Variants in ZNF208 observed in about 807,000 individuals in gnomAD.
ZNF208 encodes zinc finger protein 95.
In ZNF208, 10 loss-of-function variants were observed where a neutral mutation model predicts 12.1. The ratio of observed to expected loss-of-function variants is 0.83; its 90% CI spans 0.51 to 1.40. The LOEUF (loss-of-function observed/expected upper bound fraction) is 1.40, where lower values mean the gene tolerates loss of function less well. Ranked by LOEUF, ZNF208 falls within the 40% of genes most tolerant of loss-of-function variation. The pLI is 0.00. For missense variants in ZNF208, 1,652 were observed against 1,485.0 expected, an observed-to-expected ratio of 1.11 and a Z score of -1.85; for synonymous variants, 497 against 488.4, an observed-to-expected ratio of 1.02 and a Z score of -0.23.
At position 21,971,219 on chromosome 19, in the gene ZNF208, T is replaced by C. The variant is rs1471946145; in HGVS notation, c.3815A>G (p.Lys1272Arg). The C allele has an allele frequency of 1.2e-6, 2 of 1,612,080 alleles. No individual in the cohort carries two copies. The highest frequency in any genetic ancestry group is 1.3e-5 in the African/African-American group (1 of 74,732). The change falls in exon 4 of 4, where the codon AAG becomes AGG. Residue 1272 changes from lysine to arginine, a missense_variant. Around this residue, in one of 3 missense-constraint regions of ZNF208, gnomAD observed 1,239 missense variants for 1,086.2 expected, o/e 1.14. Transcript: ENST00000397126. ...GAGTTTCTCTCCAGTATGAATTTTCTTATGTTTACTGAAGACTGATAACCA... is the reference window on the plus strand; with the variant it reads ...GAGTTTCTCTCCAGTATGAATTTTCCTATGTTTACTGAAGACTGATAACCA... ...FSWLSVFSKH[K>R]KIHTGEKL
At chr19:21,965,676 G>A (rs1325155764), downstream of ZNF208, 1 of 150,964 alleles carries the variant, frequency 6.6e-6, no homozygotes, top group African/African-American at 2.4e-5. Context: ...ACTTTCTGTT[G>A]AATTATTTTT....
chr19:21,958,889 G>A (rs191957065), intron 4 of ZNF208, among the ~76,000 whole-genome samples: 8 of 152,174 alleles, frequency 5.3e-5, no homozygotes, highest in South Asian at 2.1e-4. Context: ...GGTCCCCAGA[G>A]AGCCCCTAAC....
chr19:21,951,841 G>T (rs1250390663), intron 4 of ZNF208, among the ~76,000 whole-genome samples: 1 of 152,232 alleles, frequency 6.6e-6, no homozygotes, highest in Non-Finnish European at 1.5e-5. Flanking sequence ...AAGCAGGACA[G>T]GGTGTCACCT....
chr19:21,973,900 A>T lies in ZNF208; in HGVS notation c.1134T>A (p.Tyr378Ter), dbSNP rs2145550892. Residue 378 changes from tyrosine (Y) to a stop codon, truncating the protein, a stop_gained, in exon 4 of 4, where the codon TAT becomes TAA. Transcript: ENST00000397126. LOFTEE classifies it low-confidence loss of function (END_TRUNC). ...GATAACTAAGGGTTGAGGGCCACTT[A>T]TAGGCTTTGCCGCATTCTTCACATT... ...PYKCEECGKA[Y>*]KWPSTLSYHK... 1 of 1,613,214 alleles carries T rather than the reference A, an allele frequency of 6.2e-7. No homozygotes were observed. The highest frequency in any genetic ancestry group is 8.5e-7 in the Non-Finnish European group (1 of 1,179,780).
intron 1 of ZNF208, among the ~76,000 whole-genome samples, chr19:21,989,531 C>T (rs62112865): frequency 0.16 from 24,462 of 151,708 alleles, 2,149 homozygotes; most frequent in Middle Eastern, 0.2. Flanking sequence ...TGAATAGTGC[C>T]GCAATAAACA....
chr19:21,963,714 C>T (rs1010181280), downstream of ZNF208, among the ~76,000 whole-genome samples: 2 of 151,742 alleles, frequency 1.3e-5, no homozygotes, highest in African/African-American at 4.8e-5. Flanking sequence ...CACTTATTTG[C>T]TTGGCTGAAA....
Position 21,966,849 on chromosome 19 carries a change from T to C in ZNF208, c.*4342A>G, listed in dbSNP as rs1183228843. On this transcript the variant is annotated 3_prime_UTR_variant, in exon 4 of 4. Transcript: ENST00000397126. Reference sequence around the variant, plus strand: ...CTTTGATTTACATCTTTCTGATAATTAGGAACGTTGAGCAATTTTTACATG... The same window carrying C: ...CTTTGATTTACATCTTTCTGATAATCAGGAACGTTGAGCAATTTTTACATG... 1 of 152,178 alleles carries C rather than the reference T, an allele frequency of 6.6e-6. No individual in the cohort carries two copies. The highest frequency in any genetic ancestry group is 1.5e-5 in the Non-Finnish European group (1 of 68,010). 9.4% of individuals were successfully genotyped at this position (152,178 alleles called of 1,614,324 possible).
intron 3 of ZNF208, among the ~76,000 whole-genome samples, chr19:21,980,537 A>G (rs1970518618): frequency 1.3e-5 from 2 of 152,240 alleles, no homozygotes; most frequent in Admixed American, 1.3e-4. Context: ...CAAAGACACA[A>G]CACACCAGAA....
At chr19:21,963,003 A>G (rs1200514845), downstream of ZNF208, among the ~76,000 whole-genome samples, 1 of 152,116 alleles carries the variant, frequency 6.6e-6, no homozygotes, top group Non-Finnish European at 1.5e-5. Context: ...ACTTTTTATT[A>G]TAAACTGTAT....
chr19:21,974,505 C>G lies in ZNF208; in HGVS notation c.529G>C (p.Glu177Gln), dbSNP rs774831444. Residue 177 changes from glutamate (E) to glutamine (Q), a missense_variant, in exon 4 of 4, where the codon GAA (glutamate) becomes CAA (glutamine). Around this residue, in one of 3 missense-constraint regions of ZNF208, gnomAD observed 410 missense variants for 378.2 expected, o/e 1.08. Transcript: ENST00000397126. Reference sequence around the variant, plus strand: ...AGCATGCAAAATGATCTGACGTATTCTTTACATTGCAAATGTTTCTTTCCA... The same window carrying G: ...AGCATGCAAAATGATCTGACGTATTGTTTACATTGCAAATGTTTCTTTCCA... ...HTGKKHLQCKEYVRSFCMLSH... is the reference protein window; with the variant it reads ...HTGKKHLQCKQYVRSFCMLSH... The G allele has an allele frequency of 6.2e-7, 1 of 1,613,630 alleles. No homozygotes were observed. Among genetic ancestry groups the G allele is most frequent in the Admixed American group, 1.7e-5 (1 of 59,968 alleles).
chr19:21,956,555 G>C (rs1042586122), intron 4 of ZNF208, among the ~76,000 whole-genome samples: 1 of 152,176 alleles, frequency 6.6e-6, no homozygotes, highest in African/African-American at 2.4e-5. Flanking sequence ...CCCTCCCCTA[G>C]CCTTGCTGCC....
intron 1 of ZNF208, among the ~76,000 whole-genome samples, chr19:22,000,973 G>A (rs1436941257): frequency 6.6e-6 from 1 of 152,008 alleles, no homozygotes; most frequent in Non-Finnish European, 1.5e-5. Flanking sequence ...ATCCTCCCAA[G>A]ACTGAACACA....
intron 1 of ZNF208, among the ~76,000 whole-genome samples, chr19:21,991,950 A>C (rs8103163): frequency 0.59 from 88,654 of 151,494 alleles, 26,164 homozygotes; most frequent in East Asian, 0.69. Flanking sequence ...ATAAGCTCAT[A>C]AGTATGCCAA....
intron 3 of ZNF208, among the ~76,000 whole-genome samples, chr19:21,985,270 C>T (rs1326070938): frequency 3.3e-5 from 5 of 152,004 alleles, no homozygotes; most frequent in Admixed American, 1.3e-4. Flanking sequence ...GTCAGTCATC[C>T]GTGACAAAAA....
At chr19:21,996,473 A>G (rs1970837455) in intron 1 of ZNF208, among the ~76,000 whole-genome samples, 1 of 152,194 alleles carries the variant, frequency 6.6e-6, no homozygotes, top group African/African-American at 2.4e-5. Flanking sequence ...TATATAGCTG[A>G]AAAAAAGGAG....
At chr19:21,989,449 A>G (rs1291966705) in intron 1 of ZNF208, among the ~76,000 whole-genome samples, 4 of 151,912 alleles carry the variant, frequency 2.6e-5, no homozygotes, top group African/African-American at 7.3e-5. Flanking sequence ...TCCATGGTAT[A>G]TATGTGCCAC....
intron 4 of ZNF208, among the ~76,000 whole-genome samples, chr19:21,960,176 ATTG>A (rs1444558252): frequency 3.3e-5 from 5 of 152,236 alleles, no homozygotes; most frequent in African/African-American, 9.6e-5. Context: ...GGGCTAGAAA[ATTG>A]TTGTTTCACT....
intron 1 of ZNF208, chr19:22,009,339 C>G (rs980488845): frequency 2.6e-5 from 4 of 152,058 alleles, no homozygotes; most frequent in Non-Finnish European, 5.9e-5. Flanking sequence ...ACTTGAGGTC[C>G]TGCTTGGGAC....
chr19:21,942,621 C>T lies in ZNF208; in HGVS notation c.306-9384G>A, dbSNP rs527440313. Among the ~76,000 whole-genome samples the T allele has an allele frequency of 1.1e-4, 16 of 152,188 alleles. No homozygotes were observed. The South Asian group carries it at 3.3e-3, about 32-fold the overall frequency. The stretch of plus-strand genomic sequence containing the variant: ...TAGGTGCCAGATTCCAATTTATTTT[C>T]AGTGTGTTTGTATGACTTTTCTTTC... On this transcript the variant is annotated intron_variant, in intron 4 of 4. Transcript: ENST00000599916.
Sources: gnomAD v4.1 joint callset for allele counts (sites outside exome capture counted in the v4.1 genomes callset) on GRCh38, gnomAD v4.1.1 for gene constraint, gnomAD v4.1.1 regional missense constraint, MANE v1.5 for transcripts, NCBI Gene and HGNC (gene_info 2026-07-23, HGNC 2026-07-21) for gene names.